Variants in TYMS observed in about 807,000 individuals in gnomAD.
TYMS encodes thymidylate synthase.
A neutral mutation model predicts 39.3 loss-of-function variants in TYMS; 21 were observed. The observed-to-expected ratio is 0.54, with a 90% CI of 0.38 to 0.77. The LOEUF (loss-of-function observed/expected upper bound fraction) is 0.77, where lower values mean the gene tolerates loss of function less well. Ranked by LOEUF, TYMS falls within the 30% of genes least tolerant of loss-of-function variation. The probability of loss-of-function intolerance (pLI) is 0.00; values close to 1 mark genes in which losing one functional copy is unlikely to be tolerated. For synonymous variants in TYMS, 171 were observed against 162.2 expected (o/e 1.05, Z -0.41); for missense variants, 273 against 406.7 (o/e 0.67, Z 2.83).
intron 3 of TYMS, among the ~76,000 whole-genome samples, chr18:663,087 C>T (rs2074773589): frequency 1.0e-5 from 1 of 99,726 alleles, no homozygotes; most frequent in Non-Finnish European, 1.9e-5. Flanking sequence ...TGAGGAATCG[C>T]CACACTGACT....
At position 658,987 on chromosome 18, in the gene TYMS, C is replaced by T. The variant is rs2074726729; in HGVS notation, c.206-654C>T. Among the ~76,000 whole-genome samples, 1 of 152,220 alleles carries T rather than the reference C, an allele frequency of 6.6e-6. No homozygotes were observed. The highest frequency in any genetic ancestry group is 1.5e-5 in the Non-Finnish European group (1 of 68,046). On this transcript the variant is annotated intron_variant, in intron 1 of 6. Coordinates refer to ENST00000323274, the MANE Select transcript of TYMS (RefSeq NM_001071.4). The surrounding 1 kb of genome is among the most constrained non-coding windows in gnomAD (Gnocchi z 4.5). ...CTGAGGAGAGGGATCCACTTTTCTGCAGCTCCAAGCCCAGGGGCCTTTGAT... is the reference window on the plus strand; with the variant it reads ...CTGAGGAGAGGGATCCACTTTTCTGTAGCTCCAAGCCCAGGGGCCTTTGAT...
rs201179564 is a variant in TYMS, at chr18:667,565, T to C, written c.455-1507T>C. 1.3e-3 allele frequency among the ~76,000 whole-genome samples: 80 copies of C among 60,248 alleles called. 9 individuals are homozygous for C. Among genetic ancestry groups the C allele is most frequent in the African/African-American group, 9.9e-3 (70 of 7,066 alleles). The allele number at this position is 60,248 out of a possible 152,430, so 39.5% of individuals were successfully genotyped here. ...GTGATGGTGATGGAGATGGTGATGG[T>C]GATGGAGATGGTGATGGTGATGGTG... On this transcript the variant is annotated intron_variant, in intron 3 of 6. Coordinates refer to ENST00000323274, the MANE Select transcript of TYMS (RefSeq NM_001071.4).
intron 3 of TYMS, among the ~76,000 whole-genome samples, chr18:666,957 A>ATGGTGATGGAGATGGTGATGGT (rs2074839460): frequency 1.3e-4 from 3 of 22,824 alleles, no homozygotes; most frequent in Admixed American, 9.7e-4. Flanking sequence ...ATGGTGATGG[A>ATGGTGATGGAGATGGTGATGGT]GATGGAGATG....
intron 4 of TYMS, among the ~76,000 whole-genome samples, chr18:669,800 T>C (rs2074951227): frequency 6.6e-6 from 1 of 151,938 alleles, no homozygotes; most frequent in Non-Finnish European, 1.5e-5. Context: ...AAAATTCAAC[T>C]CTACCAGGGT....
In TYMS at chr18:668,149, G is replaced by A. The variant is rs148235072; in HGVS notation, c.455-923G>A. Among the ~76,000 whole-genome samples, 24 of 152,100 alleles carry A rather than the reference G, an allele frequency of 1.6e-4. No individual in the cohort carries two copies. The East Asian group carries it at 3.3e-3, about 21-fold the overall frequency. ...GCTAGTTTTACGTGCACTTGTGTAT[G>A]TGTGTATTTGCAATTTTAGCACGTG... is the stretch of plus-strand genomic sequence containing the variant. On this transcript the variant is annotated intron_variant, in intron 3 of 6. Transcript: ENST00000323274.
At position 671,383 on chromosome 18, in the gene TYMS, G is replaced by A; in HGVS notation, c.736G>A (p.Gly246Ser). ...GCTTTCTCCCCCGGGTTTATAGCCA[G>A]GTGACTTTATACACACTTTGGGAGA... is the stretch of plus-strand genomic sequence containing the variant. The part of the protein sequence containing the change: ...MIAHITGLKP[G>S]DFIHTLGDAH... The change falls in exon 6 of 7, where the codon GGT becomes AGT. Residue 246 changes from glycine (G) to serine (S), a missense_variant. Physicochemically the swap from Gly to Ser is moderately conservative, Grantham distance 56. Around this residue, in one of 3 missense-constraint regions of TYMS, gnomAD observed 228 missense variants for 326.1 expected, o/e 0.70. Transcript: ENST00000323274. The A allele has an allele frequency of 6.2e-7, 1 of 1,608,834 alleles. No homozygotes were observed. Among genetic ancestry groups the A allele is most frequent in the South Asian group, 1.1e-5 (1 of 90,910 alleles).
At chr18:668,030 C>G (rs2074891226) in intron 3 of TYMS, among the ~76,000 whole-genome samples, 1 of 123,842 alleles carries the variant, frequency 8.1e-6, no homozygotes, top group Admixed American at 8.3e-5. Flanking sequence ...GAAAGTTTCC[C>G]TGGACACACT....
chr18:658,145 C>G lies in TYMS; in HGVS notation c.205+198C>G, dbSNP rs975795511. ...TTAGGGACGTGACTGGCGCGGGCAA[C>G]ACACACAGCAGCGACAGCCGGGAGG... On this transcript the variant is annotated intron_variant, in intron 1 of 6. Transcript: ENST00000323274. This position sits in a 1 kb window ranked among gnomAD's most constrained non-coding sequence, Gnocchi z 4.5. 2 of 1,584,320 alleles carry G rather than the reference C, an allele frequency of 1.3e-6. No individual in the cohort carries two copies. The highest frequency in any genetic ancestry group is 2.7e-5 in the African/African-American group (2 of 74,170).
chr18:671,313 G>A (rs1244871427), intron 5 of TYMS, 67 bp from the exon 6 acceptor site: 10 of 1,065,610 alleles, frequency 9.4e-6, no homozygotes, highest in Non-Finnish European at 1.5e-5. Flanking sequence ...ATATTCTAAT[G>A]TTTTTAAATG....
At chr18:664,073 T>G (rs2074783369) in intron 3 of TYMS, among the ~76,000 whole-genome samples, 1 of 143,784 alleles carries the variant, frequency 7.0e-6, no homozygotes, top group Admixed American at 6.8e-5. Context: ...GGTAGCTTGA[T>G]GGGGATGGCA....
chr18:661,109 T>C (rs1349630740), intron 2 of TYMS, among the ~76,000 whole-genome samples: 2 of 152,170 alleles, frequency 1.3e-5, no homozygotes, highest in African/African-American at 4.8e-5. Context: ...TGAAGCAATA[T>C]GTAAAAGATT....
At position 659,708 on chromosome 18, in the gene TYMS, T is replaced by C. The variant is rs2074737065; in HGVS notation, c.273T>C (p.Phe91=). ...WKGVLEELLW[F]IKGSTNAKEL... The stretch of plus-strand genomic sequence containing the variant: ...GTGTTTTGGAGGAGTTGCTGTGGTT[T>C]ATCAAGGTAAAGAAGTCGCTGCTAT... Residue 91 remains phenylalanine (F), a synonymous_variant, in exon 2 of 7, where the codon TTT becomes TTC. Coordinates refer to ENST00000323274, the MANE Select transcript of TYMS (RefSeq NM_001071.4). 1.9e-6 allele frequency: 3 copies of C among 1,613,744 alleles called. No individual in the cohort carries two copies. Among genetic ancestry groups the C allele is most frequent in the African/African-American group, 1.3e-5 (1 of 74,926 alleles).
At position 667,553 on chromosome 18, in the gene TYMS, AGATGGT is replaced by A. The variant is rs1327773362; in HGVS notation, c.455-1507_455-1502del. 8.6e-4 allele frequency among the ~76,000 whole-genome samples: 16 copies of A among 18,596 alleles called. 3 individuals are homozygous for A. The highest frequency in any genetic ancestry group is 2.4e-3 in the South Asian group (1 of 412). 12.2% of individuals were successfully genotyped at this position (18,596 alleles called of 152,430 possible). On this transcript the variant is annotated intron_variant, in intron 3 of 6. Coordinates refer to ENST00000323274, the MANE Select transcript of TYMS (RefSeq NM_001071.4). The stretch of plus-strand genomic sequence containing the variant: ...GAGATGGTGATGGTGATGGTGATGG[AGATGGT>A]GATGGTGATGGAGATGGTGATGGTG...
At chr18:666,963 AGATG>A (rs2074840695) in intron 3 of TYMS, among the ~76,000 whole-genome samples, 2 of 15,912 alleles carry the variant, frequency 1.3e-4, no homozygotes, top group African/African-American at 7.6e-4. Context: ...ATGGAGATGG[AGATG>A]GTGATGGAGA....
chr18:662,026 G>A, intron 2 of TYMS, 120 bp from the exon 3 acceptor site: 5 of 1,063,846 alleles, frequency 4.7e-6, no homozygotes, highest in Non-Finnish European at 5.3e-6. Flanking sequence ...GGTGTCAAGT[G>A]CCCACCTCCT....
chr18:670,467 T>G, intron 4 of TYMS: 6 of 540,362 alleles, frequency 1.1e-5, no homozygotes, highest in Non-Finnish European at 2.0e-5. Flanking sequence ...GAGCATTGCT[T>G]CAGCCGTAAA....
intron 6 of TYMS, chr18:671,665 G>A (rs2075057002): frequency 3.5e-6 from 2 of 576,514 alleles, no homozygotes; most frequent in East Asian, 6.2e-5. Flanking sequence ...GTGCTGTGAG[G>A]TACTAAGCAC....
At chr18:669,325 G>T in intron 4 of TYMS, 152 bp downstream of exon 4, 3 of 564,648 alleles carry the variant, frequency 5.3e-6, no homozygotes, top group Non-Finnish European at 3.1e-6. Flanking sequence ...GTCACATTTT[G>T]CTGCACTTTC....
rs2074711132 is a variant in TYMS at position 658,139 on chromosome 18, G to A, written c.205+192G>A. The A allele has an allele frequency of 1.3e-6, 2 of 1,586,552 alleles. No individual in the cohort carries two copies. Among genetic ancestry groups the A allele is most frequent in the Non-Finnish European group, 8.5e-7 (1 of 1,169,692 alleles). Reference sequence around the variant, plus strand: ...GTCCCATTAGGGACGTGACTGGCGCGGGCAACACACACAGCAGCGACAGCC... The same window carrying A: ...GTCCCATTAGGGACGTGACTGGCGCAGGCAACACACACAGCAGCGACAGCC... On this transcript the variant is annotated intron_variant, in intron 1 of 6. Coordinates refer to ENST00000323274, the MANE Select transcript of TYMS (RefSeq NM_001071.4). The surrounding 1 kb of genome is among the most constrained non-coding windows in gnomAD (Gnocchi z 4.5).
Sources: gnomAD v4.1 joint callset for allele counts (sites outside exome capture counted in the v4.1 genomes callset) on GRCh38, gnomAD v4.1.1 for gene constraint, gnomAD v4.1.1 regional missense constraint, Gnocchi (gnomAD v3.1) non-coding constraint, MANE v1.5 for transcripts, NCBI Gene and HGNC (gene_info 2026-07-23, HGNC 2026-07-21) for gene names.